The following DLC1 variants were observed in gnomAD, a reference collection of about 807,000 sequenced individuals.
DLC1 encodes the protein DLC1 Rho GTPase activating protein.
DLC1 carries 54 observed loss-of-function variants against 140.3 expected under a neutral mutation model. That is an observed-to-expected ratio of 0.38 (90% CI 0.31 to 0.48). DLC1 has a LOEUF of 0.48. Among genes scored for constraint, DLC1 ranks in the 20% least tolerant of loss-of-function variants. The pLI, the probability that DLC1 is intolerant of heterozygous loss-of-function variation, is 0.96. For missense variants in DLC1, 2,536 were observed against 1,907.0 expected, an observed-to-expected ratio of 1.33 and a Z score of -6.14; for synonymous variants, 986 against 728.1, an observed-to-expected ratio of 1.35 and a Z score of -5.70.
At chr8:13,526,739 A>G (rs747552123) in intron 1 of DLC1, among the ~76,000 whole-genome samples, 1 of 151,798 alleles carries the variant, frequency 6.6e-6, no homozygotes, top group Non-Finnish European at 1.5e-5. Flanking sequence ...ACATGGACAC[A>G]GGAAGGGGAA....
chr8:13,433,288 G>T (rs1838970841), intron 2 of DLC1, among the ~76,000 whole-genome samples: 1 of 152,156 alleles, frequency 6.6e-6, no homozygotes, highest in Non-Finnish European at 1.5e-5. Flanking sequence ...CTGAAAATGT[G>T]TAAGGGTGTT....
intron 4 of DLC1, among the ~76,000 whole-genome samples, chr8:13,329,913 T>C (rs1166832978): frequency 6.6e-6 from 1 of 152,174 alleles, no homozygotes; most frequent in Admixed American, 6.5e-5. Context: ...GTTTTATTTG[T>C]TGTAGAGTTT....
intron 4 of DLC1, among the ~76,000 whole-genome samples, chr8:13,335,604 A>C (rs955907871): frequency 2.6e-5 from 4 of 152,142 alleles, no homozygotes; most frequent in African/African-American, 9.7e-5. Flanking sequence ...CCTCATGGTA[A>C]AGTCATCCTG....
chr8:13,582,554 C>T (rs1805144159), intron 1 of DLC1, among the ~76,000 whole-genome samples: 1 of 152,064 alleles, frequency 6.6e-6, no homozygotes, highest in African/African-American at 2.4e-5. Flanking sequence ...ATGCCGGATG[C>T]TTCCTACCCT....
At chr8:13,556,924 T>C (rs1415884707) in intron 1 of DLC1, among the ~76,000 whole-genome samples, 2 of 152,222 alleles carry the variant, frequency 1.3e-5, no homozygotes, top group Non-Finnish European at 2.9e-5. Flanking sequence ...AGACAGACTT[T>C]TTCCAGCCCT....
intron 4 of DLC1, among the ~76,000 whole-genome samples, chr8:13,365,989 C>T (rs1047346983): frequency 6.6e-6 from 1 of 152,152 alleles, no homozygotes. Context: ...GGTTTAAAGA[C>T]TAGGACTTTA....
intron 4 of DLC1, among the ~76,000 whole-genome samples, chr8:13,359,226 C>G (rs980492711): frequency 6.6e-6 from 1 of 152,152 alleles, no homozygotes; most frequent in Non-Finnish European, 1.5e-5. Flanking sequence ...GCGTGAGCCA[C>G]CGCACCCATC....
chr8:13,105,504 A>G (rs601591), intron 7 of DLC1, among the ~76,000 whole-genome samples: 130,540 of 152,070 alleles, frequency 0.86, 56,165 homozygotes, highest in East Asian at 0.96. Flanking sequence ...AATGGGGCTC[A>G]GGGAGGTCAC....
At chr8:13,589,306 CAAAAT>C (rs1169521124) in intron 1 of DLC1, among the ~76,000 whole-genome samples, 5 of 151,904 alleles carry the variant, frequency 3.3e-5, no homozygotes, top group Non-Finnish European at 7.4e-5. Context: ...AAACAAAAAA[CAAAAT>C]AAAGTCTTTC....
intron 4 of DLC1, among the ~76,000 whole-genome samples, chr8:13,330,900 C>G (rs1300610973): frequency 6.6e-6 from 1 of 152,116 alleles, no homozygotes; most frequent in Non-Finnish European, 1.5e-5. Flanking sequence ...GGTAGGTGTT[C>G]CACCCTCTGC....
At chr8:13,238,181 A>G (rs1829378837) in intron 5 of DLC1, among the ~76,000 whole-genome samples, 1 of 152,138 alleles carries the variant, frequency 6.6e-6, no homozygotes, top group Non-Finnish European at 1.5e-5. Flanking sequence ...TTTTGAAGGC[A>G]TGTATTTCAT....
intron 2 of DLC1, among the ~76,000 whole-genome samples, chr8:13,419,620 T>G (rs376555012): frequency 6.6e-6 from 1 of 152,202 alleles, no homozygotes; most frequent in South Asian, 2.1e-4. Context: ...TTTGCCAGTA[T>G]TTTATTGAGG....
At chr8:13,401,039 A>C (rs189369304) in intron 3 of DLC1, among the ~76,000 whole-genome samples, 1 of 152,320 alleles carries the variant, frequency 6.6e-6, no homozygotes, top group East Asian at 1.9e-4. Flanking sequence ...GGTTAGTTCA[A>C]CTGGCATCCA....
At chr8:13,089,205 T>C (rs112966471) in intron 15 of DLC1, among the ~76,000 whole-genome samples, 8,874 of 151,596 alleles carry the variant, frequency 0.059, 765 homozygotes, top group African/African-American at 0.19. Context: ...TGCAGTGAGC[T>C]GAGATCACAC....
At chr8:13,290,228 C>T (rs762342564) in intron 5 of DLC1, among the ~76,000 whole-genome samples, 9 of 152,056 alleles carry the variant, frequency 5.9e-5, no homozygotes, top group Non-Finnish European at 1.3e-4. Flanking sequence ...AAATGAAATG[C>T]ATGTAGAGGA....
intron 5 of DLC1, among the ~76,000 whole-genome samples, chr8:13,290,235 A>T (rs1831706847): frequency 6.6e-6 from 1 of 152,208 alleles, no homozygotes; most frequent in South Asian, 2.1e-4. Context: ...ATGCATGTAG[A>T]GGAAGAATAA....
chr8:13,309,824 T>C (rs907970283), intron 4 of DLC1, among the ~76,000 whole-genome samples: 11 of 152,276 alleles, frequency 7.2e-5, no homozygotes, highest in Middle Eastern at 6.8e-3. Flanking sequence ...TCCATGACAA[T>C]TGACAATCTG....
In DLC1 at chr8:13,602,903, G is replaced by A. The variant is rs529900962; in HGVS notation, c.-126+1634C>T. ...AGATAATACATTTCTATTTGTCATC[G>A]GACAGTTTTCAACATGTAGTGATAA... is the stretch of plus-strand genomic sequence containing the variant. On this transcript the variant is annotated intron_variant, in intron 1 of 1. Coordinates refer to the DLC1 transcript ENST00000631382. 8.6e-5 allele frequency among the ~76,000 whole-genome samples: 13 copies of A among 151,830 alleles called. No homozygotes were observed. The East Asian group carries it at 1.5e-3, about 18-fold the overall frequency.
chr8:13,583,473 C>CTTGCTA (rs1033389529), intron 1 of DLC1, among the ~76,000 whole-genome samples: 2 of 152,148 alleles, frequency 1.3e-5, no homozygotes, highest in Non-Finnish European at 2.9e-5. Flanking sequence ...TTCTAGTTCT[C>CTTGCTA]TTGCTATTTC....
Sources: allele counts gnomAD v4.1 joint callset (sites outside exome capture counted in the v4.1 genomes callset), GRCh38; gene constraint gnomAD v4.1.1; transcripts MANE v1.5; gene names NCBI Gene and HGNC (gene_info 2026-07-23, HGNC 2026-07-21).